Variants in MYRIP observed in about 807,000 individuals in gnomAD.
MYRIP encodes the protein myosin VIIA and Rab interacting protein, also known as rab effector MyRIP.
In MYRIP, 49 loss-of-function variants were observed where a neutral mutation model predicts 98.0. The ratio of observed to expected loss-of-function variants is 0.50; its 90% CI spans 0.40 to 0.63. MYRIP has a LOEUF of 0.63. MYRIP is among the 30% of genes least tolerant of loss of function. The probability of loss-of-function intolerance (pLI) is 0.00; values close to 1 mark genes in which losing one functional copy is unlikely to be tolerated. For synonymous variants in MYRIP, 404 were observed against 409.5 expected (o/e 0.99, Z 0.16); for missense variants, 1,004 against 1,058.2 (o/e 0.95, Z 0.71).
intron 1 of MYRIP, among the ~76,000 whole-genome samples, chr3:39,839,493 C>T (rs1417961576): frequency 1.3e-5 from 2 of 152,086 alleles, no homozygotes; most frequent in African/African-American, 2.4e-5. Flanking sequence ...CCTGACCTCA[C>T]GTGATCTGCC....
intron 1 of MYRIP, among the ~76,000 whole-genome samples, chr3:39,896,502 G>C (rs555280444): frequency 9.8e-5 from 15 of 152,286 alleles, no homozygotes; most frequent in African/African-American, 3.4e-4. Flanking sequence ...TTTGTCCTTT[G>C]CAGGCCAAGT....
At chr3:40,192,750 TAAG>T (rs1951274264) in intron 10 of MYRIP, among the ~76,000 whole-genome samples, 1 of 152,160 alleles carries the variant, frequency 6.6e-6, no homozygotes, top group South Asian at 2.1e-4. Flanking sequence ...CTGCAACAAG[TAAG>T]AAGGACGCTG....
chr3:39,825,202 T>A lies in MYRIP; in HGVS notation c.-31+15286T>A, dbSNP rs1941227017. On this transcript the variant is annotated intron_variant, in intron 1 of 16. Coordinates refer to ENST00000302541, the MANE Select transcript of MYRIP (RefSeq NM_015460.4). ...CCTTTCTTTCTTTCTCTTGCCTATT[T>A]GCTCTTACTAGTACTTCCAGTACTA... 2.6e-5 allele frequency among the ~76,000 whole-genome samples: 4 copies of A among 152,214 alleles called. No individual in the cohort carries two copies. The South Asian group carries it at 8.3e-4, about 32-fold the overall frequency.
intron 2 of MYRIP, among the ~76,000 whole-genome samples, chr3:39,946,230 C>T (rs555752882): frequency 1.2e-3 from 180 of 152,114 alleles, no homozygotes; most frequent in African/African-American, 3.9e-3. Context: ...GCAAAGTCAA[C>T]GTGATTACCA....
intron 2 of MYRIP, among the ~76,000 whole-genome samples, chr3:40,035,753 A>C: frequency 6.6e-6 from 1 of 151,994 alleles, no homozygotes; most frequent in East Asian, 1.9e-4. Flanking sequence ...TTATAAAAGA[A>C]GTATATTTAA....
chr3:40,161,974 C>T (rs1458797694), intron 4 of MYRIP, among the ~76,000 whole-genome samples: 2 of 152,098 alleles, frequency 1.3e-5, no homozygotes, highest in Non-Finnish European at 2.9e-5. Context: ...GCTGCTTTTC[C>T]TCTCTGCAGC....
intron 3 of MYRIP, among the ~76,000 whole-genome samples, chr3:40,114,917 C>G (rs938824924): frequency 2.0e-5 from 3 of 151,944 alleles, no homozygotes; most frequent in Non-Finnish European, 2.9e-5. Flanking sequence ...ACACACGGGC[C>G]TAAAAATATT....
At chr3:40,145,038 TTTATG>T (rs1481488291) in intron 3 of MYRIP, among the ~76,000 whole-genome samples, 1 of 152,204 alleles carries the variant, frequency 6.6e-6, no homozygotes, top group South Asian at 2.1e-4. Flanking sequence ...CGCCTTATTA[TTTATG>T]TTATATTATT....
chr3:39,871,074 G>A (rs566877732), intron 1 of MYRIP, among the ~76,000 whole-genome samples: 7 of 152,294 alleles, frequency 4.6e-5, no homozygotes, highest in Admixed American at 1.3e-4. Flanking sequence ...AATGACACAC[G>A]CCTCTGGGAC....
intron 1 of MYRIP, among the ~76,000 whole-genome samples, chr3:39,827,617 T>C (rs920441410): frequency 7.2e-5 from 11 of 152,208 alleles, no homozygotes; most frequent in African/African-American, 2.7e-4. Context: ...GCAATGAGGA[T>C]TGGTTCCTTT....
At chr3:40,078,616 C>T (rs1276880033) in intron 3 of MYRIP, among the ~76,000 whole-genome samples, 1 of 152,168 alleles carries the variant, frequency 6.6e-6, no homozygotes, top group East Asian at 1.9e-4. Context: ...GAATTCAAGA[C>T]TCTCTTCCTC....
chr3:40,083,381 C>T (rs1356027684), intron 3 of MYRIP, among the ~76,000 whole-genome samples: 1 of 151,828 alleles, frequency 6.6e-6, no homozygotes, highest in Non-Finnish European at 1.5e-5. Flanking sequence ...AAGCACAGTC[C>T]TGGAGGGCCC....
At chr3:40,114,630 G>C (rs1949234827) in intron 3 of MYRIP, among the ~76,000 whole-genome samples, 1 of 152,222 alleles carries the variant, frequency 6.6e-6, no homozygotes, top group Non-Finnish European at 1.5e-5. Flanking sequence ...GCAAAGTTCA[G>C]AGACAAGGAA....
upstream of MYRIP, among the ~76,000 whole-genome samples, chr3:39,809,206 C>T (rs977455138): frequency 1.3e-5 from 2 of 151,984 alleles, no homozygotes; most frequent in African/African-American, 4.8e-5. Flanking sequence ...AGGGTCCGGG[C>T]CCCCAGGACT....
Position 40,190,149 on chromosome 3 carries a change from A to T in MYRIP, c.1351A>T (p.Met451Leu), listed in dbSNP as rs141095599. The stretch of plus-strand genomic sequence containing the variant: ...TGCACTCTCCCCCAACCCTGAGGCC[A>T]TGTGCTCTGACTCGGAGACCTCCTC... The part of the protein sequence containing the change: ...SSALSPNPEA[M>L]CSDSETSSAG... The change falls in exon 10 of 17, where the codon ATG becomes TTG. Residue 451 changes from methionine (M) to leucine (L), a missense_variant. By Grantham distance (15) the Met-to-Leu change is conservative. Around this residue, in one of 3 missense-constraint regions of MYRIP, gnomAD observed 880 missense variants for 907.7 expected, o/e 0.97. Coordinates refer to ENST00000302541, the MANE Select transcript of MYRIP (RefSeq NM_015460.4). 1.7e-5 allele frequency: 28 copies of T among 1,614,064 alleles called. No homozygotes were observed. The highest frequency in any genetic ancestry group is 2.3e-5 in the Non-Finnish European group (27 of 1,179,980).
intron 16 of MYRIP, among the ~76,000 whole-genome samples, chr3:40,255,638 A>C (rs1344023774): frequency 6.6e-6 from 1 of 152,238 alleles, no homozygotes; most frequent in Non-Finnish European, 1.5e-5. Flanking sequence ...AAGATGTTTA[A>C]ATTTTGATAA....
intron 1 of MYRIP, among the ~76,000 whole-genome samples, chr3:39,828,018 C>A (rs1196227333): frequency 6.6e-6 from 1 of 151,738 alleles, no homozygotes; most frequent in East Asian, 1.9e-4. Context: ...TTTTAGAATT[C>A]GTTGTCTTAG....
At chr3:39,904,353 G>A (rs1024302483) in intron 2 of MYRIP, among the ~76,000 whole-genome samples, 10 of 151,854 alleles carry the variant, frequency 6.6e-5, no homozygotes, top group Non-Finnish European at 1.0e-4. Context: ...CTCCTGCCTC[G>A]ACCTCTTGAG....
chr3:39,861,648 C>A lies in MYRIP; in HGVS notation c.-30-39139C>A, dbSNP rs894591801. ...TGAAATGGCCATTTTAAGAAAAAACCAAACTGATCTGATAGAGCTGAAAAA... is the reference window on the plus strand; with the variant it reads ...TGAAATGGCCATTTTAAGAAAAAACAAAACTGATCTGATAGAGCTGAAAAA... On this transcript the variant is annotated intron_variant, in intron 1 of 16. Transcript: ENST00000302541. Among the ~76,000 whole-genome samples, 17 of 151,926 alleles carry A rather than the reference C, an allele frequency of 1.1e-4. No individual in the cohort carries two copies. The South Asian group carries it at 2.9e-3, about 26-fold the overall frequency.
Sources: gnomAD v4.1 joint callset for allele counts (sites outside exome capture counted in the v4.1 genomes callset) on GRCh38, gnomAD v4.1.1 for gene constraint, gnomAD v4.1.1 regional missense constraint, MANE v1.5 for transcripts, NCBI Gene and HGNC (gene_info 2026-07-23, HGNC 2026-07-21) for gene names.